The following SGCD variants were observed in gnomAD, a reference collection of about 807,000 sequenced individuals.
SGCD encodes the protein delta-sarcoglycan.
SGCD carries 18 observed loss-of-function variants against 36.6 expected under a neutral mutation model. The ratio of observed to expected loss-of-function variants is 0.49; its 90% CI spans 0.34 to 0.73. The LOEUF is 0.73. Among genes scored for constraint, SGCD ranks in the 30% least tolerant of loss-of-function variants. The pLI is 0.01. For synonymous variants in SGCD, 133 were observed against 130.6 expected (o/e 1.02, Z -0.12); for missense variants, 387 against 346.7 (o/e 1.12, Z -0.92).
upstream of SGCD, among the ~76,000 whole-genome samples, chr5:156,323,432 A>G (rs1415254439): frequency 2.0e-5 from 3 of 152,218 alleles, no homozygotes; most frequent in Non-Finnish European, 4.4e-5. Flanking sequence ...AATCTACAGT[A>G]AAAATATCCT....
rs35423272 is a variant in SGCD, at chr5:155,956,797, G to GCC, written c.-282+86383_-282+86384dup. 8.5e-3 allele frequency among the ~76,000 whole-genome samples: 1,212 copies of GCC among 143,190 alleles called. 28 individuals carry two copies. Among genetic ancestry groups the GCC allele is most frequent in the African/African-American group, 0.03 (1,146 of 37,736 alleles). The allele number at this position is 143,190 out of a possible 152,430, so 93.9% of individuals were successfully genotyped here. ...TAAGGACCTTTTTGTTGGACTCAGGGCCCCCCCCCCCGGTTAATCCAGGAT... is the reference window on the plus strand; with the variant it reads ...TAAGGACCTTTTTGTTGGACTCAGGGCCCCCCCCCCCCCGGTTAATCCAGGAT... On this transcript the variant is annotated intron_variant, in intron 1 of 9. Transcript: ENST00000517913.
At chr5:156,691,379 T>C (rs967169377) in intron 7 of SGCD, among the ~76,000 whole-genome samples, 1 of 152,172 alleles carries the variant, frequency 6.6e-6, no homozygotes, top group African/African-American at 2.4e-5. Context: ...GCTGCTATAC[T>C]GGACCACACA....
chr5:155,975,553 C>A (rs1427691837), intron 1 of SGCD, among the ~76,000 whole-genome samples: 1 of 110,300 alleles, frequency 9.1e-6, no homozygotes, highest in African/African-American at 3.4e-5. Context: ...TTGAATTTTT[C>A]TTAAATGCGT....
chr5:155,741,827 G>A, the SGCD span, among the ~76,000 whole-genome samples: 7 of 151,952 alleles, frequency 4.6e-5, no homozygotes, highest in African/African-American at 1.7e-4. Context: ...CAAGTAGCTG[G>A]GACTACAGAT....
At chr5:156,495,509 T>C (rs1756143678) in intron 3 of SGCD, among the ~76,000 whole-genome samples, 1 of 152,076 alleles carries the variant, frequency 6.6e-6, no homozygotes, top group African/African-American at 2.4e-5. Flanking sequence ...CAAATGAAAA[T>C]AGAAGACAGG....
intron 3 of SGCD, among the ~76,000 whole-genome samples, chr5:156,179,132 A>G (rs559418956): frequency 6.6e-6 from 1 of 152,326 alleles, no homozygotes; most frequent in Admixed American, 6.5e-5. Flanking sequence ...TACACATCTA[A>G]GCATGTGTTT....
intron 1 of SGCD, among the ~76,000 whole-genome samples, chr5:156,061,919 CTTTTTT>C (rs757769130): frequency 0.034 from 2,408 of 71,790 alleles, 214 homozygotes; most frequent in Admixed American, 0.16. Flanking sequence ...GGAGTTTTCA[CTTTTTT>C]TTTTTTTTTT....
chr5:155,769,218 C>T, the SGCD span, among the ~76,000 whole-genome samples: 1 of 152,136 alleles, frequency 6.6e-6, no homozygotes, highest in Middle Eastern at 3.4e-3. Flanking sequence ...AGTTAATACA[C>T]TCTATGCATA....
At chr5:155,948,351 A>G (rs913500610) in intron 1 of SGCD, among the ~76,000 whole-genome samples, 1 of 152,208 alleles carries the variant, frequency 6.6e-6, no homozygotes, top group African/African-American at 2.4e-5. Context: ...TAGGTACTCA[A>G]CATATACATT....
At chr5:156,370,066 T>C (rs1770300586) in intron 3 of SGCD, among the ~76,000 whole-genome samples, 1 of 152,196 alleles carries the variant, frequency 6.6e-6, no homozygotes, top group Non-Finnish European at 1.5e-5. Context: ...AGTCAGGTGT[T>C]CTCAGTGGGC....
intron 3 of SGCD, among the ~76,000 whole-genome samples, chr5:156,140,289 C>T (rs921791529): frequency 1.3e-5 from 2 of 152,040 alleles, no homozygotes; most frequent in African/African-American, 2.4e-5. Context: ...GGAAAAAGCC[C>T]GTATTGCTGT....
intron 1 of SGCD, among the ~76,000 whole-genome samples, chr5:156,112,792 G>C (rs2127599938): frequency 6.6e-6 from 1 of 152,274 alleles, no homozygotes; most frequent in East Asian, 1.9e-4. Context: ...GATATGAGAT[G>C]ACAGCTTTCC....
chr5:156,183,488 G>A (rs980258405), intron 3 of SGCD, among the ~76,000 whole-genome samples: 11 of 152,048 alleles, frequency 7.2e-5, no homozygotes, highest in Admixed American at 2.6e-4. Flanking sequence ...GTTTACTGCA[G>A]CCTTCACCTC....
the SGCD span, among the ~76,000 whole-genome samples, chr5:155,779,295 A>G: frequency 1.3e-5 from 2 of 152,068 alleles, no homozygotes; most frequent in African/African-American, 4.8e-5. Flanking sequence ...AAAATTAGCC[A>G]TGTGTGATGG....
chr5:156,753,570 G>A (rs1162071564), intron 7 of SGCD, among the ~76,000 whole-genome samples: 1 of 152,140 alleles, frequency 6.6e-6, no homozygotes, highest in Admixed American at 6.5e-5. Flanking sequence ...CCCGAGGCTG[G>A]GTAATTTATA....
chr5:155,728,376 C>A, the SGCD span, among the ~76,000 whole-genome samples: 2 of 152,192 alleles, frequency 1.3e-5, no homozygotes, highest in Non-Finnish European at 2.9e-5. Context: ...GAGCTGCGGC[C>A]GCCTTCCGCT....
intron 1 of SGCD, among the ~76,000 whole-genome samples, chr5:155,891,441 A>G (rs185645487): frequency 2.0e-4 from 30 of 152,064 alleles, no homozygotes; most frequent in African/African-American, 6.8e-4. Context: ...TAGGTCCCCA[A>G]TGTCTGCAGT....
intron 7 of SGCD, among the ~76,000 whole-genome samples, chr5:156,672,932 C>T (rs1266940364): frequency 6.6e-6 from 1 of 152,160 alleles, no homozygotes; most frequent in Non-Finnish European, 1.5e-5. Flanking sequence ...TTTCAAGTCT[C>T]AGCTTTAATG....
intron 6 of SGCD, among the ~76,000 whole-genome samples, chr5:156,600,780 T>C (rs975004746): frequency 2.6e-5 from 4 of 152,200 alleles, no homozygotes; most frequent in Non-Finnish European, 5.9e-5. Flanking sequence ...TACTTATTTA[T>C]ATTCCCACTA....
Sources: allele counts gnomAD v4.1 joint callset (sites outside exome capture counted in the v4.1 genomes callset), GRCh38; gene constraint gnomAD v4.1.1; transcripts MANE v1.5; gene names NCBI Gene and HGNC (gene_info 2026-07-23, HGNC 2026-07-21).